Variants in MARCHF11 observed in about 807,000 individuals in gnomAD.
The protein encoded by MARCHF11 is membrane associated ring-CH-type finger 11, also known as E3 ubiquitin-protein ligase MARCHF11.
Under a neutral mutation model 37.3 loss-of-function variants are expected in MARCHF11, and 29 were observed. The ratio of observed to expected loss-of-function variants is 0.78; its 90% CI spans 0.58 to 1.06. MARCHF11 has a LOEUF of 1.06. Among genes scored for constraint, MARCHF11 ranks in the 50% least tolerant of loss-of-function variants. MARCHF11 has a pLI of 0.00. For missense variants in MARCHF11, 482 were observed against 533.4 expected (o/e 0.90, Z 0.95); for synonymous variants, 233 against 228.0 (o/e 1.02, Z -0.20).
In MARCHF11 at chr5:16,177,833, G is replaced by T; in HGVS notation, c.586C>A (p.His196Asn). The change falls in exon 2 of 4, where the codon CAT (histidine) becomes AAT (asparagine). Residue 196 changes from histidine to asparagine, a missense_variant. Transcript: ENST00000332432. ...ATCCATTTTAGCAGGCACAGCTGAT[G>T]TGTATACCGAACTGACCCATCACAT... Reference protein sequence around the residue: ...CRCDGSVRYTHQLCLLKWISE... With the variant: ...CRCDGSVRYTNQLCLLKWISE... 1 of 1,613,544 alleles carries T rather than the reference G, an allele frequency of 6.2e-7. No individual in the cohort carries two copies. Among genetic ancestry groups the T allele is most frequent in the Non-Finnish European group, 8.5e-7 (1 of 1,179,694 alleles).
chr5:16,101,981 A>G lies in MARCHF11; in HGVS notation c.694-10900T>C, dbSNP rs372571577. 5.3e-5 allele frequency among the ~76,000 whole-genome samples: 8 copies of G among 152,340 alleles called. No homozygotes were observed. The South Asian group carries it at 6.2e-4, about 12-fold the overall frequency. ...TCTCTTAGCTACAGGGAGGCAGCATACTATGTTGGGACAAGCAGAGAGCTG... is the reference window on the plus strand; with the variant it reads ...TCTCTTAGCTACAGGGAGGCAGCATGCTATGTTGGGACAAGCAGAGAGCTG... On this transcript the variant is annotated intron_variant, in intron 2 of 3. Coordinates refer to ENST00000332432, the MANE Select transcript of MARCHF11 (RefSeq NM_001102562.3).
intron 2 of MARCHF11, among the ~76,000 whole-genome samples, chr5:16,122,653 G>C (rs895414655): frequency 6.6e-6 from 1 of 152,084 alleles, no homozygotes; most frequent in African/African-American, 2.4e-5. Flanking sequence ...CTCGTCTCTA[G>C]CCTCCTGTCC....
At chr5:16,160,400 A>T (rs1178865512) in intron 2 of MARCHF11, among the ~76,000 whole-genome samples, 1 of 145,518 alleles carries the variant, frequency 6.9e-6, no homozygotes, top group Admixed American at 7.0e-5. Flanking sequence ...ATATATATTT[A>T]TATAATTTTA....
At chr5:16,166,237 T>C (rs1243354598) in intron 2 of MARCHF11, among the ~76,000 whole-genome samples, 1 of 152,054 alleles carries the variant, frequency 6.6e-6, no homozygotes, top group Non-Finnish European at 1.5e-5. Context: ...CAGTCTCATA[T>C]TGCATGTGAC....
intron 2 of MARCHF11, among the ~76,000 whole-genome samples, chr5:16,106,903 TG>T (rs1413022459): frequency 6.6e-6 from 1 of 152,206 alleles, no homozygotes; most frequent in Non-Finnish European, 1.5e-5. Flanking sequence ...GTGGGTGTTC[TG>T]ATTCTCTCTG....
At chr5:16,135,619 A>C (rs530840269) in intron 2 of MARCHF11, among the ~76,000 whole-genome samples, 3 of 152,288 alleles carry the variant, frequency 2.0e-5, no homozygotes, top group Non-Finnish European at 4.4e-5. Context: ...ACACTGTTGC[A>C]AAAATTTTCA....
intron 2 of MARCHF11, among the ~76,000 whole-genome samples, chr5:16,149,843 T>TAC (rs1737862902): frequency 6.6e-6 from 1 of 152,204 alleles, no homozygotes; most frequent in South Asian, 2.1e-4. Context: ...AATGGAATAC[T>TAC]ACACAGCAAT....
At chr5:16,147,489 T>C (rs1196799034) in intron 2 of MARCHF11, among the ~76,000 whole-genome samples, 1 of 152,156 alleles carries the variant, frequency 6.6e-6, no homozygotes, top group African/African-American at 2.4e-5. Flanking sequence ...GCTTATTAAA[T>C]CATGCCCTCA....
chr5:16,086,741 A>T (rs2126553891), intron 3 of MARCHF11, among the ~76,000 whole-genome samples: 1 of 152,338 alleles, frequency 6.6e-6, no homozygotes, highest in African/African-American at 2.4e-5. Flanking sequence ...TAATCAAATA[A>T]ATCCTGTCAT....
At chr5:16,130,628 A>G (rs1253415049) in intron 2 of MARCHF11, among the ~76,000 whole-genome samples, 1 of 152,146 alleles carries the variant, frequency 6.6e-6, no homozygotes, top group Admixed American at 6.5e-5. Flanking sequence ...TAAAAGGACA[A>G]ACAAAAATAG....
In MARCHF11 at chr5:16,111,956, G is replaced by A. The variant is rs1218266049; in HGVS notation, c.694-20875C>T. 2.6e-5 allele frequency among the ~76,000 whole-genome samples: 4 copies of A among 152,230 alleles called. 1 individual carries two copies. In the South Asian group the frequency reaches 6.2e-4, roughly 24 times the overall value. On this transcript the variant is annotated intron_variant, in intron 2 of 3. Transcript: ENST00000332432. ...AGGGTGCAAGCCCCAAGCTTTGGGA[G>A]CTTCCACATGGCATTGAGCCTGCAG...
At chr5:16,170,316 A>G (rs747297119) in intron 2 of MARCHF11, among the ~76,000 whole-genome samples, 1 of 152,110 alleles carries the variant, frequency 6.6e-6, no homozygotes, top group Admixed American at 6.5e-5. Flanking sequence ...ACATTCACAG[A>G]CTTTTTTCAT....
At chr5:16,146,469 G>A (rs928837823) in intron 2 of MARCHF11, among the ~76,000 whole-genome samples, 1 of 152,160 alleles carries the variant, frequency 6.6e-6, no homozygotes, top group Non-Finnish European at 1.5e-5. Context: ...ACTCAAAAGT[G>A]TAGAGTTCTC....
intron 1 of MARCHF11, among the ~76,000 whole-genome samples, chr5:16,178,269 C>T (rs1738397845): frequency 6.6e-6 from 1 of 151,990 alleles, no homozygotes; most frequent in Non-Finnish European, 1.5e-5. Context: ...CGGCATTATG[C>T]TTTTTTTTCT....
At chr5:16,094,154 G>A (rs933743071) in intron 2 of MARCHF11, among the ~76,000 whole-genome samples, 6 of 151,978 alleles carry the variant, frequency 3.9e-5, no homozygotes, top group Non-Finnish European at 7.4e-5. Context: ...CACTATATAC[G>A]GTGCTTTCTT....
intron 2 of MARCHF11, among the ~76,000 whole-genome samples, chr5:16,142,633 CT>C (rs1423411244): frequency 6.7e-6 from 1 of 149,804 alleles, no homozygotes; most frequent in African/African-American, 2.5e-5. Flanking sequence ...CGGCCTCCCT[CT>C]TTTTTGTTAG....
chr5:16,085,158 A>G (rs1359338556), intron 3 of MARCHF11, among the ~76,000 whole-genome samples: 1 of 152,240 alleles, frequency 6.6e-6, no homozygotes, highest in Non-Finnish European at 1.5e-5. Flanking sequence ...CACTAAAAAG[A>G]GACAAACTAA....
At chr5:16,084,993 A>T (rs370446326) in intron 3 of MARCHF11, among the ~76,000 whole-genome samples, 4,094 of 150,372 alleles carry the variant, frequency 0.027, 168 homozygotes, top group African/African-American at 0.094. Context: ...GATCAGAGTG[A>T]GTGTGTGTGT....
rs1490714756 is a variant in MARCHF11, at chr5:16,179,083, G to T, written c.493C>A (p.His165Asn). 3 of 1,495,712 alleles carry T rather than the reference G, an allele frequency of 2.0e-6. No homozygotes were observed. The highest frequency in any genetic ancestry group is 2.9e-5 in the East Asian group (1 of 34,916). 92.7% of individuals were successfully genotyped at this position (1,495,712 alleles called of 1,614,324 possible). ...GDQRAGHQHQ[H>N]HQPICKICFQ... ...CAGATCTTGCAGATGGGCTGGTGGTGCTGGTGCTGGTGCCCAGCGCGCTGG... is the reference window on the plus strand; with the variant it reads ...CAGATCTTGCAGATGGGCTGGTGGTTCTGGTGCTGGTGCCCAGCGCGCTGG... Residue 165 changes from histidine (H) to asparagine (N), a missense_variant, in exon 1 of 4, where the codon CAC (histidine) becomes AAC (asparagine). By Grantham distance (68) the His-to-Asn change is moderately conservative (BLOSUM62 1). Transcript: ENST00000332432.
Sources: gnomAD v4.1 joint callset for allele counts (sites outside exome capture counted in the v4.1 genomes callset) on GRCh38, gnomAD v4.1.1 for gene constraint, MANE v1.5 for transcripts, NCBI Gene and HGNC (gene_info 2026-07-23, HGNC 2026-07-21) for gene names.